The following BCL2L11 variants were observed in gnomAD, a reference collection of about 807,000 sequenced individuals.
BCL2L11 encodes bcl-2-like protein 11.
BCL2L11 carries 15 observed loss-of-function variants against 20.6 expected under a neutral mutation model. That is an observed-to-expected ratio of 0.73 (90% CI 0.49 to 1.12). BCL2L11 has a LOEUF of 1.12. BCL2L11 is among the 50% of genes most tolerant of loss of function. The pLI is 0.00. For missense variants in BCL2L11, 292 were observed against 260.9 expected (o/e 1.12, Z -0.82); for synonymous variants, 108 against 92.8 (o/e 1.16, Z -0.94).
chr2:111,148,685 T>G (rs1559067247), intron 2 of BCL2L11, among the ~76,000 whole-genome samples: 1 of 152,206 alleles, frequency 6.6e-6, no homozygotes, highest in East Asian at 1.9e-4. Flanking sequence ...ATTCACAGAC[T>G]GCAGATAACT....
intron 2 of BCL2L11, among the ~76,000 whole-genome samples, chr2:111,141,157 G>C (rs1045821300): frequency 1.3e-5 from 2 of 152,238 alleles, no homozygotes; most frequent in Non-Finnish European, 2.9e-5. Flanking sequence ...GGTCATAGCA[G>C]TGTAGGGAGT....
chr2:111,158,309 C>G (rs1278788402), intron 3 of BCL2L11, among the ~76,000 whole-genome samples: 1 of 152,112 alleles, frequency 6.6e-6, no homozygotes, highest in African/African-American at 2.4e-5. Flanking sequence ...GGGGGTGACT[C>G]CTAGTTCCAT....
At chr2:111,161,770 A>G (rs988360435) in intron 3 of BCL2L11, among the ~76,000 whole-genome samples, 4 of 152,126 alleles carry the variant, frequency 2.6e-5, no homozygotes, top group African/African-American at 9.7e-5. Flanking sequence ...TCACCAGTAA[A>G]TTCCATCTTA....
chr2:111,122,984 C>G, intron 1 of BCL2L11: 2 of 985,340 alleles, frequency 2.0e-6, no homozygotes, highest in Non-Finnish European at 2.4e-6. Context: ...CGGCGCGGCG[C>G]GCACCGGTGT....
At chr2:111,154,369 A>T (rs1440815920) in intron 3 of BCL2L11, among the ~76,000 whole-genome samples, 1 of 151,694 alleles carries the variant, frequency 6.6e-6, no homozygotes, top group African/African-American at 2.4e-5. Context: ...AAAAAAAAAA[A>T]GAAAAAATGT....
intron 3 of BCL2L11, chr2:111,153,823 G>T: frequency 1.3e-6 from 2 of 1,551,956 alleles, no homozygotes; most frequent in Middle Eastern, 1.7e-4. Flanking sequence ...CATGTATTCA[G>T]TCCACTTAAG....
intron 2 of BCL2L11, among the ~76,000 whole-genome samples, chr2:111,130,403 C>T (rs77935446): frequency 0.014 from 2,105 of 152,322 alleles, 53 homozygotes; most frequent in African/African-American, 0.048. Flanking sequence ...CACACCTGGC[C>T]CTACTTTTAG....
chr2:111,128,942 C>T (rs2150291915), intron 2 of BCL2L11: 1 of 977,944 alleles, frequency 1.0e-6, no homozygotes, highest in South Asian at 1.8e-5. Context: ...ACAGGCTGGC[C>T]TCACAGAGGA....
intron 2 of BCL2L11, chr2:111,144,481 C>T (rs2076247315): frequency 1.3e-6 from 2 of 1,550,534 alleles, no homozygotes; most frequent in East Asian, 4.9e-5. Flanking sequence ...TCTCCTTTGC[C>T]TTATAGCTAA....
At chr2:111,140,877 C>G (rs2075689192) in intron 2 of BCL2L11, among the ~76,000 whole-genome samples, 1 of 152,234 alleles carries the variant, frequency 6.6e-6, no homozygotes, top group African/African-American at 2.4e-5. Context: ...ACGAGTGCCA[C>G]CAGTTCCTTC....
chr2:111,161,621 A>G, intron 3 of BCL2L11: 1 of 1,459,794 alleles, frequency 6.9e-7, no homozygotes, highest in East Asian at 2.5e-5. Context: ...CTCCTGGCTC[A>G]GTCTTAGTGT....
At chr2:111,140,473 AAAG>A (rs1424593377) in intron 2 of BCL2L11, among the ~76,000 whole-genome samples, 1 of 152,136 alleles carries the variant, frequency 6.6e-6, no homozygotes, top group Non-Finnish European at 1.5e-5. Flanking sequence ...TACTTTTTTC[AAAG>A]AAGGCAGCTT....
chr2:111,166,074 G>A lies in BCL2L11; in HGVS notation c.*1843G>A, dbSNP rs923183655. The A allele has an allele frequency of 3.3e-5, 5 of 152,410 alleles. No individual in the cohort carries two copies. Among genetic ancestry groups the A allele is most frequent in the African/African-American group, 7.3e-5 (3 of 41,368 alleles). 9.4% of individuals were successfully genotyped at this position (152,410 alleles called of 1,614,324 possible). A position where few individuals can be genotyped will look rare whatever the true frequency, so the allele number is the denominator to read the frequency against. ...CTCATCTTGTTCCCTGATGTGTCTCGAGCCCATTGGTAGGGTCATACAAAG... is the reference window on the plus strand; with the variant it reads ...CTCATCTTGTTCCCTGATGTGTCTCAAGCCCATTGGTAGGGTCATACAAAG... On this transcript the variant is annotated 3_prime_UTR_variant, in exon 4 of 4. Coordinates refer to ENST00000393256, the MANE Select transcript of BCL2L11 (RefSeq NM_138621.5).
At chr2:111,139,960 G>A (rs2075545893) in intron 2 of BCL2L11, among the ~76,000 whole-genome samples, 1 of 152,236 alleles carries the variant, frequency 6.6e-6, no homozygotes, top group Admixed American at 6.5e-5. Context: ...AGGCAGCAGT[G>A]AGGGCTTCCC....
chr2:111,155,596 G>A (rs1321551608), intron 3 of BCL2L11, among the ~76,000 whole-genome samples: 2 of 152,170 alleles, frequency 1.3e-5, no homozygotes, highest in Non-Finnish European at 2.9e-5. Flanking sequence ...TACTGAAGCT[G>A]GAGTTGTTTA....
rs2078983691 is a variant in BCL2L11, at chr2:111,165,634, G to A, written c.*1403G>A. 6.6e-6 allele frequency: 1 copy of A among 152,194 alleles called. No individual in the cohort carries two copies. Among genetic ancestry groups the A allele is most frequent in the Non-Finnish European group, 1.5e-5 (1 of 68,064 alleles). The allele number at this position is 152,194 out of a possible 1,614,324, so 9.4% of individuals were successfully genotyped here. ...TGCAGTGGAAGGAAGCCACACACTG[G>A]TCAGTCATTTCAGAGGCAGCAGATG... On this transcript the variant is annotated 3_prime_UTR_variant, in exon 4 of 4. Coordinates refer to ENST00000393256, the MANE Select transcript of BCL2L11 (RefSeq NM_138621.5).
At chr2:111,123,464 T>C in intron 1 of BCL2L11, 3 of 985,478 alleles carry the variant, frequency 3.0e-6, no homozygotes, top group Non-Finnish European at 2.4e-6. Flanking sequence ...GATTAGCTGC[T>C]TCTCTGGAAA....
chr2:111,123,945 C>G lies in BCL2L11; in HGVS notation c.200C>G (p.Pro67Arg), dbSNP rs777425286. ...AGCCCTCAGGGCCCGCTGGCCCCAC[C>G]TGCCAGCCCTGGCCCTTTTGCTACC... is the stretch of plus-strand genomic sequence containing the variant. ...HGSPQGPLAP[P>R]ASPGPFATRS... Residue 67 changes from proline (P) to arginine (R), a missense_variant, in exon 2 of 4, where the codon CCT becomes CGT. Transcript: ENST00000393256. The G allele has an allele frequency of 6.2e-7, 1 of 1,614,202 alleles. No homozygotes were observed. Among genetic ancestry groups the G allele is most frequent in the Non-Finnish European group, 8.5e-7 (1 of 1,180,012 alleles).
chr2:111,127,648 A>G (rs187434695), intron 2 of BCL2L11, among the ~76,000 whole-genome samples: 108 of 152,192 alleles, frequency 7.1e-4, no homozygotes, highest in Admixed American at 5.0e-3. Flanking sequence ...AGCAAGAAAA[A>G]GATCCTGACC....
Sources: allele counts gnomAD v4.1 joint callset (sites outside exome capture counted in the v4.1 genomes callset), GRCh38; gene constraint gnomAD v4.1.1; transcripts MANE v1.5; gene names NCBI Gene and HGNC (gene_info 2026-07-23, HGNC 2026-07-21).